The following NLGN1 variants were observed in gnomAD, a reference collection of about 807,000 sequenced individuals.
The protein encoded by NLGN1 is neuroligin 1, also known as neuroligin-1.
A neutral mutation model predicts 65.5 loss-of-function variants in NLGN1; 12 were observed. That is an observed-to-expected ratio of 0.18 (90% CI 0.12 to 0.30). The LOEUF is 0.30. Among genes scored for constraint, NLGN1 ranks in the 10% least tolerant of loss-of-function variants. NLGN1 has a pLI of 1.00. For missense variants in NLGN1, 750 were observed against 1,007.1 expected (o/e 0.74, Z 3.46); for synonymous variants, 350 against 359.5 (o/e 0.97, Z 0.30).
At chr3:173,518,530 ATG>A (rs144033200) in intron 2 of NLGN1, among the ~76,000 whole-genome samples, 65 of 148,676 alleles carry the variant, frequency 4.4e-4, no homozygotes, top group African/African-American at 1.1e-3. Context: ...GAGTATGTGT[ATG>A]TGTGTGTGTG....
rs1722131434 is a variant in NLGN1 at position 174,140,738 on chromosome 3, TA to T, written c.647-134576del. On this transcript the variant is annotated intron_variant, in intron 4 of 6. Coordinates refer to ENST00000457714, the Ensembl canonical transcript of NLGN1. Reference sequence around the variant, plus strand: ...CTCTTTAGTTTTCCATGTCATGGATTATTTTTTAAAAATCAGTGATTTTTAC... The same window carrying T: ...CTCTTTAGTTTTCCATGTCATGGATTTTTTTTAAAAATCAGTGATTTTTAC... 3.3e-5 allele frequency among the ~76,000 whole-genome samples: 5 copies of T among 152,290 alleles called. No individual in the cohort carries two copies. The South Asian group carries it at 1.0e-3, about 32-fold the overall frequency.
chr3:174,142,889 G>T (rs568889426), intron 4 of NLGN1, among the ~76,000 whole-genome samples: 1 of 152,242 alleles, frequency 6.6e-6, no homozygotes, highest in East Asian at 1.9e-4. Flanking sequence ...AGTTTTGCAG[G>T]CTGTACAGGA....
chr3:173,475,125 T>C (rs1202105568), intron 2 of NLGN1, among the ~76,000 whole-genome samples: 1 of 152,182 alleles, frequency 6.6e-6, no homozygotes, highest in Non-Finnish European at 1.5e-5. Context: ...TTTTCCAACA[T>C]AGAAAAGAAG....
At chr3:174,238,354 GA>G (rs1348685938) in intron 4 of NLGN1, among the ~76,000 whole-genome samples, 5 of 147,684 alleles carry the variant, frequency 3.4e-5, no homozygotes, top group Middle Eastern at 3.4e-3. Context: ...TCACTATTAT[GA>G]AGTTCTTTTT....
chr3:173,754,745 C>G (rs886431688), intron 3 of NLGN1, among the ~76,000 whole-genome samples: 6 of 152,140 alleles, frequency 3.9e-5, no homozygotes, highest in African/African-American at 1.4e-4. Context: ...TAAGATAGTA[C>G]TGAATCTTCT....
intron 2 of NLGN1, among the ~76,000 whole-genome samples, chr3:173,521,850 T>G (rs1213953694): frequency 6.6e-6 from 1 of 152,226 alleles, no homozygotes; most frequent in Non-Finnish European, 1.5e-5. Context: ...TGGGTTCAGA[T>G]TTTTTAAAAT....
At position 173,943,660 on chromosome 3, in the gene NLGN1, G is replaced by A. The variant is rs115935226; in HGVS notation, c.646+135828G>A. ...GAATTCGGCTTCTTGGTTCGTGGGA[G>A]GAGGGGTAGGTCTGTGTTTTTGTGT... is the stretch of plus-strand genomic sequence containing the variant. On this transcript the variant is annotated intron_variant, in intron 4 of 6. Transcript: ENST00000457714. 9.7e-3 allele frequency among the ~76,000 whole-genome samples: 1,474 copies of A among 152,282 alleles called. 34 individuals are homozygous for A. The highest frequency in any genetic ancestry group is 0.03 in the African/African-American group (1,230 of 41,574).
intron 3 of NLGN1, among the ~76,000 whole-genome samples, chr3:173,757,217 A>C (rs1425007206): frequency 6.6e-6 from 1 of 152,054 alleles, no homozygotes; most frequent in African/African-American, 2.4e-5. Flanking sequence ...TGAAAGGTTA[A>C]TGGGAAATCA....
At chr3:173,807,695 G>A in exon 4 of NLGN1, 1 of 1,613,604 alleles carries the variant, frequency 6.2e-7, no homozygotes, top group South Asian at 1.1e-5. Context: ...CGGGACAGTG[G>A]GGGTCCCAAA....
At chr3:173,820,189 A>AC (rs1485753638) in intron 4 of NLGN1, among the ~76,000 whole-genome samples, 12 of 151,974 alleles carry the variant, frequency 7.9e-5, no homozygotes, top group African/African-American at 2.7e-4. Flanking sequence ...GAAAAAAAAA[A>AC]AAAAAAAAAA....
intron 3 of NLGN1, among the ~76,000 whole-genome samples, chr3:173,633,867 C>T (rs1050235729): frequency 6.6e-6 from 1 of 152,074 alleles, no homozygotes; most frequent in African/African-American, 2.4e-5. Context: ...TTTTCCATAA[C>T]CCTTTCTGAT....
chr3:174,141,969 C>A (rs1257051229), intron 4 of NLGN1, among the ~76,000 whole-genome samples: 2 of 152,080 alleles, frequency 1.3e-5, no homozygotes, highest in East Asian at 3.9e-4. Context: ...CACACGGCTT[C>A]TTAAAATCTA....
At position 173,606,159 on chromosome 3, in the gene NLGN1, A is replaced by AT. The variant is rs1273616177; in HGVS notation, c.493+1069dup. Among the ~76,000 whole-genome samples, 7 of 152,044 alleles carry AT rather than the reference A, an allele frequency of 4.6e-5. No individual in the cohort carries two copies. In the East Asian group the frequency reaches 1.4e-3, roughly 29 times the overall value. ...TTTTCAGTCACTTTTCCAGAGGAGAATGAGATTTTGCAGATTTGATACTAA... is the reference window on the plus strand; with the variant it reads ...TTTTCAGTCACTTTTCCAGAGGAGAATTGAGATTTTGCAGATTTGATACTAA... On this transcript the variant is annotated intron_variant, in intron 3 of 6. Coordinates refer to ENST00000457714, the Ensembl canonical transcript of NLGN1.
At chr3:173,831,954 CTTTCTT>C (rs58726940) in intron 4 of NLGN1, among the ~76,000 whole-genome samples, 117 of 150,270 alleles carry the variant, frequency 7.8e-4, no homozygotes, top group African/African-American at 1.9e-3. Context: ...CTATATTCTA[CTTTCTT>C]TTTCTTTTTC....
At chr3:173,852,976 A>G (rs1727266504) in intron 4 of NLGN1, among the ~76,000 whole-genome samples, 1 of 152,194 alleles carries the variant, frequency 6.6e-6, no homozygotes, top group South Asian at 2.1e-4. Flanking sequence ...GTAGCCTTCA[A>G]ATCCACCTAT....
At chr3:174,165,919 C>A (rs1011076013) in intron 4 of NLGN1, among the ~76,000 whole-genome samples, 1 of 151,898 alleles carries the variant, frequency 6.6e-6, no homozygotes, top group Non-Finnish European at 1.5e-5. Context: ...CTGATTCAAT[C>A]GTGGGAGATG....
At chr3:174,075,528 A>G (rs978758467) in intron 4 of NLGN1, among the ~76,000 whole-genome samples, 7 of 152,156 alleles carry the variant, frequency 4.6e-5, no homozygotes, top group Non-Finnish European at 7.4e-5. Flanking sequence ...CTGATGCCCA[A>G]CCTGACAGTA....
At chr3:173,401,625 GTAACTGAGAGGT>G (rs980338754) in intron 1 of NLGN1, among the ~76,000 whole-genome samples, 4 of 152,016 alleles carry the variant, frequency 2.6e-5, no homozygotes, top group Non-Finnish European at 4.4e-5. Context: ...CTACTTCTAG[GTAACTGAGAGGT>G]TGGAAGATAG....
intron 4 of NLGN1, among the ~76,000 whole-genome samples, chr3:174,013,805 A>C (rs1726022573): frequency 6.6e-6 from 1 of 152,148 alleles, no homozygotes; most frequent in South Asian, 2.1e-4. Flanking sequence ...CAGCCTCAAC[A>C]TGCTGGGCTC....
Sources: allele counts gnomAD v4.1 joint callset (sites outside exome capture counted in the v4.1 genomes callset), GRCh38; gene constraint gnomAD v4.1.1; transcripts MANE v1.5; gene names NCBI Gene and HGNC (gene_info 2026-07-23, HGNC 2026-07-21).